The following PTPRD variants were observed in gnomAD, a reference collection of about 807,000 sequenced individuals.
PTPRD encodes the protein protein tyrosine phosphatase receptor type D.
In PTPRD, 34 loss-of-function variants were observed where a neutral mutation model predicts 214.5. The ratio of observed to expected loss-of-function variants is 0.16; its 90% CI spans 0.12 to 0.21. PTPRD has a LOEUF of 0.21. PTPRD is among the 10% of genes least tolerant of loss of function. The pLI is 1.00. For synonymous variants in PTPRD, 1,128 were observed against 845.7 expected, an observed-to-expected ratio of 1.33 and a Z score of -5.79; for missense variants, 2,545 against 2,398.7, an observed-to-expected ratio of 1.06 and a Z score of -1.27.
intron 9 of PTPRD, among the ~76,000 whole-genome samples, chr9:9,363,769 T>A (rs10759056): frequency 6.6e-6 from 1 of 151,010 alleles, no homozygotes. Context: ...AAGCAAAAAC[T>A]TAGAAACCAT....
At chr9:9,457,421 T>C (rs143500105) in intron 8 of PTPRD, among the ~76,000 whole-genome samples, 80 of 152,104 alleles carry the variant, frequency 5.3e-4, no homozygotes, top group African/African-American at 1.9e-3. Flanking sequence ...AACTGAAAGT[T>C]TAATAATGGC....
At chr9:10,376,338 T>C (rs537153098) in intron 2 of PTPRD, among the ~76,000 whole-genome samples, 20 of 151,904 alleles carry the variant, frequency 1.3e-4, no homozygotes, top group African/African-American at 3.6e-4. Context: ...GAAACAGTTA[T>C]GTACAGCATA....
chr9:8,320,965 C>T (rs191435501), intron 44 of PTPRD, among the ~76,000 whole-genome samples: 37 of 152,024 alleles, frequency 2.4e-4, no homozygotes, highest in Non-Finnish European at 4.7e-4. Context: ...TAGATGGATT[C>T]ATTTACTGGA....
intron 3 of PTPRD, among the ~76,000 whole-genome samples, chr9:10,214,769 A>G (rs578152261): frequency 1.3e-5 from 2 of 152,032 alleles, no homozygotes; most frequent in African/African-American, 4.8e-5. Flanking sequence ...TTTCTCCATT[A>G]TCCTTTTTGT....
chr9:10,262,837 G>C (rs1202874320), intron 3 of PTPRD, among the ~76,000 whole-genome samples: 1 of 152,062 alleles, frequency 6.6e-6, no homozygotes, highest in East Asian at 1.9e-4. Context: ...GATATGGTTT[G>C]GCTGTCTCCT....
intron 8 of PTPRD, among the ~76,000 whole-genome samples, chr9:9,406,793 G>A (rs2073581354): frequency 6.6e-6 from 1 of 150,546 alleles, no homozygotes; most frequent in Admixed American, 6.6e-5. Flanking sequence ...TAAAGAATAT[G>A]TTTAAGGAAC....
intron 9 of PTPRD, among the ~76,000 whole-genome samples, chr9:9,352,268 T>C (rs879350827): frequency 4.6e-5 from 7 of 151,470 alleles, no homozygotes; most frequent in Admixed American, 2.6e-4. Flanking sequence ...GCTGGAAATT[T>C]AGGTTGATAG....
intron 3 of PTPRD, among the ~76,000 whole-genome samples, chr9:10,132,495 A>T (rs556437179): frequency 1.3e-5 from 2 of 151,888 alleles, no homozygotes; most frequent in Non-Finnish European, 2.9e-5. Context: ...ATGGGAACAA[A>T]TTATTTTAAT....
chr9:10,226,485 G>C (rs558678367), intron 3 of PTPRD, among the ~76,000 whole-genome samples: 3 of 152,060 alleles, frequency 2.0e-5, no homozygotes, highest in African/African-American at 7.2e-5. Flanking sequence ...CAGAGACAGA[G>C]AGGCTGCATG....
chr9:9,520,301 T>A (rs1027901442), intron 8 of PTPRD, among the ~76,000 whole-genome samples: 1 of 110,494 alleles, frequency 9.1e-6, no homozygotes, highest in Non-Finnish European at 2.2e-5. Context: ...ATATATATAT[T>A]AAGTTATATA....
intron 12 of PTPRD, among the ~76,000 whole-genome samples, chr9:8,722,233 T>C (rs922396508): frequency 1.3e-5 from 2 of 150,848 alleles, no homozygotes; most frequent in Non-Finnish European, 3.0e-5. Context: ...TCATTTAAAC[T>C]TCACAGGAGC....
intron 36 of PTPRD, among the ~76,000 whole-genome samples, chr9:8,394,214 T>C (rs1404550773): frequency 6.6e-6 from 1 of 151,570 alleles, no homozygotes; most frequent in Non-Finnish European, 1.5e-5. Context: ...CAACTTGCTA[T>C]GGATTTGATT....
intron 39 of PTPRD, among the ~76,000 whole-genome samples, chr9:8,370,790 G>A (rs555343470): frequency 6.6e-6 from 1 of 152,126 alleles, no homozygotes; most frequent in South Asian, 2.1e-4. Context: ...AAAGTCTGGA[G>A]AATCTGCCTG....
intron 11 of PTPRD, among the ~76,000 whole-genome samples, chr9:8,852,809 A>C (rs1347491806): frequency 6.6e-6 from 1 of 152,142 alleles, no homozygotes; most frequent in East Asian, 1.9e-4. Context: ...TCAAAATGTC[A>C]TAGGCCAACT....
chr9:9,444,991 G>C (rs1415862629), intron 8 of PTPRD, among the ~76,000 whole-genome samples: 1 of 152,052 alleles, frequency 6.6e-6, no homozygotes, highest in Non-Finnish European at 1.5e-5. Context: ...TCTTCAAATA[G>C]TGTTTTAAAT....
intron 2 of PTPRD, among the ~76,000 whole-genome samples, chr9:10,578,649 A>AT (rs1374629362): frequency 6.6e-6 from 1 of 152,164 alleles, no homozygotes; most frequent in Non-Finnish European, 1.5e-5. Flanking sequence ...AATAATTGAG[A>AT]TTTTGTCATG....
intron 8 of PTPRD, among the ~76,000 whole-genome samples, chr9:9,508,083 A>C (rs918260177): frequency 5.3e-5 from 8 of 151,690 alleles, no homozygotes; most frequent in Non-Finnish European, 1.2e-4. Context: ...AAGAAATGTC[A>C]GCAAGTTCAT....
chr9:10,186,767 C>T (rs2099332530), intron 3 of PTPRD, among the ~76,000 whole-genome samples: 1 of 152,030 alleles, frequency 6.6e-6, no homozygotes, highest in African/African-American at 2.4e-5. Context: ...ACTACTGTCA[C>T]AAGATACAGA....
At chr9:9,387,815 C>T (rs2064387116) in intron 9 of PTPRD, among the ~76,000 whole-genome samples, 1 of 152,054 alleles carries the variant, frequency 6.6e-6, no homozygotes. Context: ...GGGCTCCGAC[C>T]CTATGGCAAT....
Sources: allele counts gnomAD v4.1 joint callset (sites outside exome capture counted in the v4.1 genomes callset), GRCh38; gene constraint gnomAD v4.1.1; transcripts MANE v1.5; gene names NCBI Gene and HGNC (gene_info 2026-07-23, HGNC 2026-07-21).